Variants in MACROD2 observed in about 807,000 individuals in gnomAD.
MACROD2 encodes the protein mono-ADP ribosylhydrolase 2.
Under a neutral mutation model 70.4 loss-of-function variants are expected in MACROD2, and 36 were observed. That is an observed-to-expected ratio of 0.51 (90% CI 0.39 to 0.68). MACROD2 has a LOEUF of 0.68. MACROD2 is among the 30% of genes least tolerant of loss of function. The pLI is 0.00. For missense variants in MACROD2, 496 were observed against 538.4 expected (o/e 0.92, Z 0.78); for synonymous variants, 172 against 178.8 (o/e 0.96, Z 0.30).
intron 4 of MACROD2, among the ~76,000 whole-genome samples, chr20:14,524,523 C>G (rs779550548): frequency 9.7e-6 from 1 of 103,066 alleles, no homozygotes; most frequent in Non-Finnish European, 1.9e-5. Flanking sequence ...TTTGTTTCAA[C>G]GCCAAATGAG....
Position 14,989,007 on chromosome 20 carries a change from A to G in MACROD2, c.419-240933A>G, listed in dbSNP as rs193281066. Among the ~76,000 whole-genome samples, 353 of 152,320 alleles carry G rather than the reference A, an allele frequency of 2.3e-3. 1 individual carries two copies. The highest frequency in any genetic ancestry group is 8.2e-3 in the African/African-American group (341 of 41,576). ...AGGTAAGATTATGTTTATAAAAATA[A>G]AAACAATGTTTATGTAAGTAATTAA... On this transcript the variant is annotated intron_variant, in intron 5 of 17. Coordinates refer to ENST00000684519, the MANE Select transcript of MACROD2 (RefSeq NM_001351661.2).
intron 5 of MACROD2, among the ~76,000 whole-genome samples, chr20:15,098,238 GGGTCTCACATTTTCATTTCATAGCA>G (rs1329032698): frequency 6.6e-6 from 1 of 152,132 alleles, no homozygotes; most frequent in Non-Finnish European, 1.5e-5. Context: ...TTTGAACAAA[GGGTCTCACATTTTCATTTCATAGCA>G]GGTCTCACAG....
At chr20:14,820,240 C>A (rs79967722) in intron 5 of MACROD2, among the ~76,000 whole-genome samples, 6,286 of 151,940 alleles carry the variant, frequency 0.041, 194 homozygotes, top group Non-Finnish European at 0.049. Context: ...AAGCCTACTT[C>A]TATCTGCCGG....
chr20:15,109,726 C>CTGTTGTGCACTCAGGAATGCAATA (rs2075940174), intron 5 of MACROD2, among the ~76,000 whole-genome samples: 1 of 152,080 alleles, frequency 6.6e-6, no homozygotes, highest in Non-Finnish European at 1.5e-5. Context: ...TGCACAATCA[C>CTGTTGTGCACTCAGGAATGCAATA]CTGTTGAATG....
In MACROD2 at chr20:14,941,642, TA is replaced by T. The variant is rs754257623; in HGVS notation, c.418+256689del. ...TATTTTAGTTCTAGGGTATTGCTGG[TA>T]AAAAACTAGGTGCTATATATTTGGT... On this transcript the variant is annotated intron_variant, in intron 5 of 17. Coordinates refer to ENST00000684519, the MANE Select transcript of MACROD2 (RefSeq NM_001351661.2). Among the ~76,000 whole-genome samples the T allele has an allele frequency of 3.3e-5, 5 of 152,140 alleles. No individual in the cohort carries two copies. In the East Asian group the frequency reaches 5.8e-4, roughly 18 times the overall value.
intron 8 of MACROD2, among the ~76,000 whole-genome samples, chr20:15,624,850 A>G (rs1321769028): frequency 2.6e-5 from 4 of 152,178 alleles, no homozygotes; most frequent in African/African-American, 7.2e-5. Context: ...TCTTCCAAAC[A>G]TAACAACTAT....
At chr20:15,748,829 G>C (rs2051224988) in intron 8 of MACROD2, among the ~76,000 whole-genome samples, 1 of 152,018 alleles carries the variant, frequency 6.6e-6, no homozygotes, top group Non-Finnish European at 1.5e-5. Flanking sequence ...ATGATATTTT[G>C]ACAAACACGT....
At chr20:14,070,629 A>C (rs1417271305) in intron 2 of MACROD2, among the ~76,000 whole-genome samples, 6 of 152,142 alleles carry the variant, frequency 3.9e-5, no homozygotes, top group African/African-American at 1.4e-4. Context: ...ATGTTGATTT[A>C]AATCTGTATC....
chr20:15,070,747 C>T (rs1397327653), intron 5 of MACROD2, among the ~76,000 whole-genome samples: 1 of 152,114 alleles, frequency 6.6e-6, no homozygotes, highest in Non-Finnish European at 1.5e-5. Context: ...CATGCTTGCA[C>T]AGCTGCAGAA....
chr20:14,590,998 A>AG (rs1476450723), intron 4 of MACROD2, among the ~76,000 whole-genome samples: 1 of 151,924 alleles, frequency 6.6e-6, no homozygotes, highest in Non-Finnish European at 1.5e-5. Context: ...CAGGTAAAAA[A>AG]TAGATACATT....
At chr20:15,910,620 C>T (rs1011045263) in intron 10 of MACROD2, among the ~76,000 whole-genome samples, 12 of 152,076 alleles carry the variant, frequency 7.9e-5, no homozygotes, top group African/African-American at 2.7e-4. Flanking sequence ...CACTTTCTGA[C>T]GATGGTCACA....
At chr20:15,817,986 A>G (rs1261505476) in intron 8 of MACROD2, among the ~76,000 whole-genome samples, 27 of 152,124 alleles carry the variant, frequency 1.8e-4, no homozygotes, top group Non-Finnish European at 4.4e-5. Flanking sequence ...GGATTTTCAT[A>G]GCAGGGTCTC....
intron 4 of MACROD2, among the ~76,000 whole-genome samples, chr20:14,543,960 A>G (rs186944987): frequency 1.5e-4 from 23 of 152,312 alleles, no homozygotes; most frequent in African/African-American, 4.8e-4. Flanking sequence ...AAGTCAGTCA[A>G]TTCAACTAAT....
intron 4 of MACROD2, among the ~76,000 whole-genome samples, chr20:14,635,134 G>T (rs1848071913): frequency 6.6e-6 from 1 of 152,152 alleles, no homozygotes; most frequent in South Asian, 2.1e-4. Flanking sequence ...ATCCTAAAGA[G>T]GGAGTTTAAA....
intron 12 of MACROD2, among the ~76,000 whole-genome samples, chr20:15,960,735 G>T (rs935998899): frequency 4.6e-5 from 7 of 152,154 alleles, no homozygotes; most frequent in Non-Finnish European, 1.0e-4. Context: ...ATCCTTGGGG[G>T]TCCAGAGCTG....
At chr20:14,676,259 C>G (rs931463001) in intron 4 of MACROD2, among the ~76,000 whole-genome samples, 2 of 152,140 alleles carry the variant, frequency 1.3e-5, no homozygotes, top group Non-Finnish European at 2.9e-5. Context: ...TTTTCAGCAC[C>G]ACATCATGCT....
At chr20:15,336,270 C>G (rs2146199502) in intron 6 of MACROD2, among the ~76,000 whole-genome samples, 2 of 150,308 alleles carry the variant, frequency 1.3e-5, no homozygotes, top group East Asian at 3.9e-4. Flanking sequence ...TAGGTGGAGG[C>G]TTAATAAACT....
chr20:15,383,639 T>G (rs2146282150), intron 6 of MACROD2, among the ~76,000 whole-genome samples: 1 of 152,308 alleles, frequency 6.6e-6, no homozygotes, highest in East Asian at 1.9e-4. Flanking sequence ...CTCCCTATCA[T>G]TTTTAGTCCT....
At chr20:14,716,864 G>T (rs1433270677) in intron 5 of MACROD2, among the ~76,000 whole-genome samples, 1 of 152,166 alleles carries the variant, frequency 6.6e-6, no homozygotes, top group Middle Eastern at 3.2e-3. Context: ...TTTTGGTGGA[G>T]GAAAGGAACC....
Sources: gnomAD v4.1 joint callset for allele counts (sites outside exome capture counted in the v4.1 genomes callset) on GRCh38, gnomAD v4.1.1 for gene constraint, MANE v1.5 for transcripts, NCBI Gene and HGNC (gene_info 2026-07-23, HGNC 2026-07-21) for gene names.